Variants in AUH observed in about 807,000 individuals in gnomAD.
The protein encoded by AUH is AU RNA binding methylglutaconyl-CoA hydratase, also known as methylglutaconyl-CoA hydratase, mitochondrial.
Under a neutral mutation model 42.3 loss-of-function variants are expected in AUH, and 29 were observed. That is an observed-to-expected ratio of 0.69 (90% CI 0.51 to 0.93). AUH has a LOEUF of 0.93. Ranked by LOEUF, AUH falls within the 40% of genes least tolerant of loss-of-function variation. The pLI is 0.00. For synonymous variants in AUH, 174 were observed against 166.4 expected (o/e 1.05, Z -0.35); for missense variants, 452 against 438.1 (o/e 1.03, Z -0.28).
At chr9:91,240,175 T>G (rs1828427330) in intron 6 of AUH, among the ~76,000 whole-genome samples, 1 of 152,234 alleles carries the variant, frequency 6.6e-6, no homozygotes, top group African/African-American at 2.4e-5. Context: ...GAAGATGTAT[T>G]GTTACCTACC....
intron 6 of AUH, among the ~76,000 whole-genome samples, chr9:91,239,901 G>A (rs921228794): frequency 6.6e-6 from 1 of 152,176 alleles, no homozygotes; most frequent in Non-Finnish European, 1.5e-5. Flanking sequence ...GGACTGGAAT[G>A]GGGAAGGAAG....
intron 1 of AUH, among the ~76,000 whole-genome samples, chr9:91,358,199 T>C (rs764910011): frequency 1.3e-5 from 2 of 152,250 alleles, no homozygotes; most frequent in Non-Finnish European, 2.9e-5. Flanking sequence ...ACCAGGTTTC[T>C]GGCTTCACCA....
intron 3 of AUH, among the ~76,000 whole-genome samples, chr9:91,346,937 T>C (rs1831556592): frequency 6.6e-6 from 1 of 151,778 alleles, no homozygotes; most frequent in South Asian, 2.1e-4. Context: ...TAGGGCAAGG[T>C]ATGGGAAGAG....
chr9:91,356,102 T>C lies in AUH; in HGVS notation c.316A>G (p.Asn106Asp). The C allele has an allele frequency of 6.2e-7, 1 of 1,613,596 alleles. No individual in the cohort carries two copies. Among genetic ancestry groups the C allele is most frequent in the South Asian group, 1.1e-5 (1 of 91,054 alleles). ...TTTACACTCACCATTTTTATAAGAT[T>C]TTTACTGAGTGAATTTTTGCCATAA... ...RAYGKNSLSKNLIKMLSKAVD... is the reference protein window; with the variant it reads ...RAYGKNSLSKDLIKMLSKAVD... Residue 106 changes from asparagine (N) to aspartate (D), a missense_variant, in exon 2 of 10, where the codon AAT (asparagine) becomes GAT (aspartate). Asn to Asp is a conservative substitution (Grantham distance 23). Transcript: ENST00000375731.
At chr9:91,333,415 A>G (rs1830477229) in intron 3 of AUH, among the ~76,000 whole-genome samples, 1 of 152,206 alleles carries the variant, frequency 6.6e-6, no homozygotes, top group Non-Finnish European at 1.5e-5. Context: ...TGCCAAGTTT[A>G]AAAGTTTTCT....
intron 6 of AUH, among the ~76,000 whole-genome samples, chr9:91,233,764 C>G (rs994603226): frequency 2.0e-5 from 3 of 152,112 alleles, no homozygotes; most frequent in African/African-American, 7.2e-5. Context: ...GAACAGACAT[C>G]CTTGCAGAAG....
intron 6 of AUH, among the ~76,000 whole-genome samples, chr9:91,263,410 T>C (rs1266312515): frequency 6.6e-6 from 1 of 152,212 alleles, no homozygotes; most frequent in African/African-American, 2.4e-5. Flanking sequence ...ATGTGACTTT[T>C]TGTTGTCGTT....
chr9:91,353,681 T>C (rs1027749455), intron 3 of AUH, among the ~76,000 whole-genome samples: 2 of 151,266 alleles, frequency 1.3e-5, no homozygotes, highest in Non-Finnish European at 1.5e-5. Context: ...CTACTAAAAA[T>C]ATAAAAATTA....
At chr9:91,306,074 G>A (rs994362715) in intron 4 of AUH, among the ~76,000 whole-genome samples, 1 of 152,200 alleles carries the variant, frequency 6.6e-6, no homozygotes, top group African/African-American at 2.4e-5. Flanking sequence ...GGAACTGGAT[G>A]CAAAGCACCA....
At chr9:91,296,218 G>A (rs1827321386) in intron 5 of AUH, 141 bp from the exon 6 acceptor site, 1 of 809,404 alleles carries the variant, frequency 1.2e-6, no homozygotes, top group Admixed American at 2.3e-5. Context: ...TCACTTAAAA[G>A]GCATTGTTAT....
At chr9:91,250,580 T>C (rs910054282) in intron 6 of AUH, among the ~76,000 whole-genome samples, 2 of 152,218 alleles carry the variant, frequency 1.3e-5, no homozygotes, top group African/African-American at 4.8e-5. Flanking sequence ...AGAGTATTTT[T>C]TGCCACTGCT....
chr9:91,355,805 C>A (rs1832364285), intron 3 of AUH, 78 bp downstream of exon 3: 1 of 1,331,192 alleles, frequency 7.5e-7, no homozygotes, highest in African/African-American at 1.5e-5. Context: ...AACCAAAGAA[C>A]ATTCTAATGG....
At chr9:91,252,772 T>TA (rs1392237198) in intron 6 of AUH, among the ~76,000 whole-genome samples, 1 of 152,346 alleles carries the variant, frequency 6.6e-6, no homozygotes, top group East Asian at 1.9e-4. Flanking sequence ...ATAAAAGCCT[T>TA]AAGGCAAAGA....
intron 6 of AUH, among the ~76,000 whole-genome samples, chr9:91,268,455 G>A (rs933508936): frequency 6.6e-6 from 1 of 151,936 alleles, no homozygotes; most frequent in Non-Finnish European, 1.5e-5. Context: ...TTAAGAGACG[G>A]AGTCTCACTC....
intron 3 of AUH, among the ~76,000 whole-genome samples, chr9:91,333,451 A>G (rs1830479731): frequency 6.6e-6 from 1 of 152,226 alleles, no homozygotes; most frequent in Non-Finnish European, 1.5e-5. Flanking sequence ...CATTACAAGT[A>G]TTATTAGCAC....
At chr9:91,308,572 G>C (rs558436906) in intron 4 of AUH, among the ~76,000 whole-genome samples, 2 of 151,870 alleles carry the variant, frequency 1.3e-5, no homozygotes, top group Non-Finnish European at 2.9e-5. Flanking sequence ...ACCATAATTC[G>C]GCACTTCAAA....
chr9:91,249,300 A>AAAAAAAAAAAGAAG (rs1373005648), intron 6 of AUH, among the ~76,000 whole-genome samples: 1 of 146,404 alleles, frequency 6.8e-6, no homozygotes, highest in South Asian at 2.2e-4. Flanking sequence ...CTCAAAAAAA[A>AAAAAAAAAAAGAAG]AAAAAAAAAA....
In AUH at chr9:91,361,861, C is replaced by T. The variant is rs1832897215; in HGVS notation, c.29G>A (p.Gly10Glu). MAAAVAAAP[G>E]ALGSLHAGGA... The stretch of plus-strand genomic sequence containing the variant: ...GCCAGCATGCAGGGATCCCAAGGCC[C>T]CAGGTGCCGCCGCCACCGCGGCCGC... The change falls in exon 1 of 10, where the codon GGG becomes GAG. Residue 10 changes from glycine to glutamate, a missense_variant. Gly to Glu is a moderately conservative substitution (Grantham distance 98). Transcript: ENST00000375731. 1 of 1,475,770 alleles carries T rather than the reference C, an allele frequency of 6.8e-7. No homozygotes were observed. Among genetic ancestry groups the T allele is most frequent in the South Asian group, 1.3e-5 (1 of 77,364 alleles). 91.4% of individuals were successfully genotyped at this position (1,475,770 alleles called of 1,614,324 possible). A position where few individuals can be genotyped will look rare whatever the true frequency, so the allele number is the denominator to read the frequency against.
intron 3 of AUH, among the ~76,000 whole-genome samples, chr9:91,330,955 T>C (rs920911590): frequency 1.3e-5 from 2 of 152,232 alleles, no homozygotes; most frequent in Non-Finnish European, 2.9e-5. Flanking sequence ...GGGACTTCAT[T>C]TTGTAGAAAT....
Sources: gnomAD v4.1 joint callset for allele counts (sites outside exome capture counted in the v4.1 genomes callset) on GRCh38, gnomAD v4.1.1 for gene constraint, MANE v1.5 for transcripts, NCBI Gene and HGNC (gene_info 2026-07-23, HGNC 2026-07-21) for gene names.